Variants in CAMK1D observed in about 807,000 individuals in gnomAD.
The protein encoded by CAMK1D is calcium/calmodulin-dependent protein kinase type 1D.
CAMK1D carries 9 observed loss-of-function variants against 47.7 expected under a neutral mutation model. The ratio of observed to expected loss-of-function variants is 0.19; its 90% CI spans 0.11 to 0.33. The LOEUF (loss-of-function observed/expected upper bound fraction) is 0.33. CAMK1D is among the 10% of genes least tolerant of loss of function. The pLI, the probability that CAMK1D is intolerant of heterozygous loss-of-function variation, is 1.00. For synonymous variants in CAMK1D, 184 were observed against 184.9 expected, an observed-to-expected ratio of 0.99 and a Z score of 0.04; for missense variants, 291 against 488.7, an observed-to-expected ratio of 0.60 and a Z score of 3.81.
intron 2 of CAMK1D, among the ~76,000 whole-genome samples, chr10:12,561,062 T>C (rs1046503360): frequency 6.6e-6 from 1 of 151,988 alleles, no homozygotes; most frequent in East Asian, 1.9e-4. Flanking sequence ...TACAGGCGCC[T>C]GCCACCATGC....
intron 1 of CAMK1D, among the ~76,000 whole-genome samples, chr10:12,527,968 A>G (rs1169614622): frequency 6.6e-6 from 1 of 152,206 alleles, no homozygotes; most frequent in Non-Finnish European, 1.5e-5. Flanking sequence ...ATTTTTAAAA[A>G]CTTTTTTATT....
In CAMK1D at chr10:12,760,974, G is replaced by A. The variant is rs1331020416; in HGVS notation, c.326G>A (p.Arg109Gln). The A allele has an allele frequency of 5.0e-6, 8 of 1,613,822 alleles. No homozygotes were observed. Among genetic ancestry groups the A allele is most frequent in the East Asian group, 2.2e-5 (1 of 44,868 alleles). The change falls in exon 4 of 11, where the codon CGG becomes CAG. Residue 109 changes from arginine to glutamine, a missense_variant. Transcript: ENST00000619168. ...QLVSGGELFDRIVEKGFYTEK... is the reference protein window; with the variant it reads ...QLVSGGELFDQIVEKGFYTEK... ...GTGTCCGGTGGAGAGCTGTTTGACC[G>A]GATAGTGGAGAAGGGGTTTTATACA... is the stretch of plus-strand genomic sequence containing the variant.
At chr10:12,440,267 T>C (rs1832747233) in intron 1 of CAMK1D, among the ~76,000 whole-genome samples, 1 of 149,954 alleles carries the variant, frequency 6.7e-6, no homozygotes, top group African/African-American at 2.4e-5. Flanking sequence ...CCATTCCAAC[T>C]ATACGTTAGT....
intron 3 of CAMK1D, among the ~76,000 whole-genome samples, chr10:12,759,119 C>T (rs113954673): frequency 0.27 from 40,646 of 152,120 alleles, 6,250 homozygotes; most frequent in Non-Finnish European, 0.35. Context: ...GAGGCTAAGG[C>T]GGGAGGATCT....
Position 12,414,493 on chromosome 10 carries a change from G to A in CAMK1D, c.92+64583G>A, listed in dbSNP as rs537604913. ...TCTGATCTGCCATGTTATCTGTCGTGTCTGAATTTCTCATAGTCAGTGGGA... is the reference window on the plus strand; with the variant it reads ...TCTGATCTGCCATGTTATCTGTCGTATCTGAATTTCTCATAGTCAGTGGGA... On this transcript the variant is annotated intron_variant, in intron 1 of 10. Coordinates refer to ENST00000619168, the MANE Select transcript of CAMK1D (RefSeq NM_153498.4). 4.6e-5 allele frequency among the ~76,000 whole-genome samples: 7 copies of A among 152,292 alleles called. No individual in the cohort carries two copies. The South Asian group carries it at 1.5e-3, about 32-fold the overall frequency.
chr10:12,582,737 G>A (rs1220158128), intron 2 of CAMK1D, among the ~76,000 whole-genome samples: 3 of 152,136 alleles, frequency 2.0e-5, no homozygotes, highest in Non-Finnish European at 4.4e-5. Context: ...CTGAAACTTT[G>A]CTGAATTCAT....
At chr10:12,376,667 A>G (rs996611051) in intron 1 of CAMK1D, among the ~76,000 whole-genome samples, 2 of 152,186 alleles carry the variant, frequency 1.3e-5, no homozygotes, top group Non-Finnish European at 2.9e-5. Context: ...ATGAGAATGC[A>G]GGGTCTGGAT....
intron 1 of CAMK1D, among the ~76,000 whole-genome samples, chr10:12,416,907 T>TA (rs558107776): frequency 2.0e-5 from 3 of 152,300 alleles, no homozygotes; most frequent in African/African-American, 7.2e-5. Flanking sequence ...GTAGACTCCC[T>TA]AAAAACCTTC....
At chr10:12,369,597 C>G (rs1250652614) in intron 1 of CAMK1D, among the ~76,000 whole-genome samples, 1 of 152,048 alleles carries the variant, frequency 6.6e-6, no homozygotes, top group Admixed American at 6.6e-5. Flanking sequence ...TAATGAGTTG[C>G]TATGTGTCAA....
intron 2 of CAMK1D, among the ~76,000 whole-genome samples, chr10:12,657,339 C>T (rs45509992): frequency 0.066 from 9,975 of 151,964 alleles, 386 homozygotes; most frequent in South Asian, 0.18. Flanking sequence ...GCAGGAGAAT[C>T]GCTTGAACCT....
chr10:12,719,573 G>T (rs1393244369), intron 3 of CAMK1D, among the ~76,000 whole-genome samples: 6 of 152,156 alleles, frequency 3.9e-5, no homozygotes, highest in Admixed American at 1.3e-4. Context: ...GCTGGATTGA[G>T]CAATCTTCAA....
At chr10:12,806,315 C>G (rs1177105332) in intron 6 of CAMK1D, among the ~76,000 whole-genome samples, 5 of 152,202 alleles carry the variant, frequency 3.3e-5, no homozygotes, top group Admixed American at 2.0e-4. Context: ...TGCCTGGGAC[C>G]TGGTCAGTGC....
intron 2 of CAMK1D, among the ~76,000 whole-genome samples, chr10:12,597,440 G>A (rs1293588193): frequency 6.6e-6 from 1 of 152,056 alleles, no homozygotes. Flanking sequence ...CCGTTTCCTC[G>A]CTGACTCCCA....
intron 2 of CAMK1D, among the ~76,000 whole-genome samples, chr10:12,625,195 G>A (rs7070908): frequency 0.079 from 11,934 of 151,724 alleles, 480 homozygotes; most frequent in African/African-American, 0.09. Context: ...AATGAACTGG[G>A]CGTGGTGGTG....
rs62870361 is a variant in CAMK1D at position 12,721,511 on chromosome 10, ACCATCCAT to A, written c.300-39411_300-39404del. On this transcript the variant is annotated intron_variant, in intron 3 of 10. Transcript: ENST00000619168. Reference sequence around the variant, plus strand: ...TGTGTTCTTTCACTGGCTACCATCCACCATCCATCCATCCATCCATCCATCCATCCATC... The same window carrying A: ...TGTGTTCTTTCACTGGCTACCATCCACCATCCATCCATCCATCCATCCATC... 1.5e-3 allele frequency among the ~76,000 whole-genome samples: 227 copies of A among 150,746 alleles called. 1 individual carries two copies. Among genetic ancestry groups the A allele is most frequent in the Admixed American group, 2.4e-3 (36 of 15,132 alleles).
chr10:12,438,431 C>T (rs1051913381), intron 1 of CAMK1D, among the ~76,000 whole-genome samples: 8 of 152,192 alleles, frequency 5.3e-5, no homozygotes, highest in East Asian at 1.9e-4. Context: ...GTATAATCCC[C>T]CATGACATTC....
At chr10:12,544,778 A>ATAGTACTAGTGTTGAGTGGG (rs1377560971) in intron 1 of CAMK1D, among the ~76,000 whole-genome samples, 11 of 151,946 alleles carry the variant, frequency 7.2e-5, no homozygotes, top group South Asian at 2.1e-4. Context: ...TGTTGAGTGG[A>ATAGTACTAGTGTTGAGTGGG]TAGTACTAGT....
At chr10:12,825,715 C>T (rs768990757) in intron 10 of CAMK1D, 25 bp downstream of exon 10, 133 of 1,613,890 alleles carry the variant, frequency 8.2e-5, no homozygotes, top group Admixed American at 1.7e-4. Flanking sequence ...AAACCAGAAT[C>T]CCTCAGCTGA....
chr10:12,473,388 C>G (rs1257793975), intron 1 of CAMK1D, among the ~76,000 whole-genome samples: 1 of 151,988 alleles, frequency 6.6e-6, no homozygotes, highest in African/African-American at 2.4e-5. Context: ...GAGCTGAGAT[C>G]ACACCACTGC....
Sources: allele counts gnomAD v4.1 joint callset (sites outside exome capture counted in the v4.1 genomes callset), GRCh38; gene constraint gnomAD v4.1.1; transcripts MANE v1.5; gene names NCBI Gene and HGNC (gene_info 2026-07-23, HGNC 2026-07-21).